Variants in ZPBP observed in about 807,000 individuals in gnomAD.
ZPBP encodes the protein zona pellucida binding protein.
A neutral mutation model predicts 44.8 loss-of-function variants in ZPBP; 26 were observed. The observed-to-expected ratio is 0.58, with a 90% CI of 0.43 to 0.81. The LOEUF is 0.81. Ranked by LOEUF, ZPBP falls within the 30% of genes least tolerant of loss-of-function variation. The probability of loss-of-function intolerance (pLI) is 0.00; values close to 1 mark genes in which losing one functional copy is unlikely to be tolerated. For missense variants in ZPBP, 409 were observed against 434.0 expected (o/e 0.94, Z 0.51); for synonymous variants, 174 against 153.2 (o/e 1.14, Z -1.00).
At chr7:49,995,010 C>CA (rs2128790726) in intron 6 of ZPBP, among the ~76,000 whole-genome samples, 1 of 152,312 alleles carries the variant, frequency 6.6e-6, no homozygotes, top group South Asian at 2.1e-4. Flanking sequence ...ACATACCCTT[C>CA]ACCCTATAAG....
At chr7:49,932,521 G>A (rs185817655), downstream of ZPBP, among the ~76,000 whole-genome samples, 11 of 152,314 alleles carry the variant, frequency 7.2e-5, no homozygotes, top group East Asian at 3.9e-4. Context: ...AGGAATGGGC[G>A]TATTTACCCA....
intron 4 of ZPBP, among the ~76,000 whole-genome samples, chr7:50,047,615 G>A (rs1442271376): frequency 6.6e-6 from 1 of 151,282 alleles, no homozygotes; most frequent in East Asian, 1.9e-4. Flanking sequence ...ATAAAACTAG[G>A]GACTGAGTAT....
At chr7:49,978,056 C>T (rs1796607208) in intron 7 of ZPBP, among the ~76,000 whole-genome samples, 1 of 146,602 alleles carries the variant, frequency 6.8e-6, no homozygotes, top group Non-Finnish European at 1.5e-5. Flanking sequence ...ACTTGATCTA[C>T]AAGTTTGTTT....
rs957972882 is a variant in ZPBP, at chr7:49,924,005, C to T, written n.411+11746G>A. 2.0e-5 allele frequency among the ~76,000 whole-genome samples: 3 copies of T among 152,134 alleles called. No individual in the cohort carries two copies. The South Asian group carries it at 6.2e-4, about 31-fold the overall frequency. On this transcript the variant is annotated intron_variant and non_coding_transcript_variant, in intron 1 of 2. Transcript: ENST00000465922. ...GGGCATGATGGCAGGTGCCTGTAAT[C>T]CCAGCTACTTGGGAGGCTGGGGCAG... is the stretch of plus-strand genomic sequence containing the variant.
chr7:49,888,054 A>G (rs1427672136), intron 2 of ZPBP, among the ~76,000 whole-genome samples: 1 of 152,226 alleles, frequency 6.6e-6, no homozygotes, highest in Non-Finnish European at 1.5e-5. Flanking sequence ...GGCTTTGATA[A>G]TTGATCATGT....
chr7:50,017,740 T>C (rs989719358), intron 6 of ZPBP, among the ~76,000 whole-genome samples: 1 of 152,134 alleles, frequency 6.6e-6, no homozygotes, highest in Admixed American at 6.6e-5. Flanking sequence ...TAGGAAGATA[T>C]TGTCATAAAT....
chr7:50,065,968 A>G (rs950104011), intron 3 of ZPBP, among the ~76,000 whole-genome samples: 1 of 151,104 alleles, frequency 6.6e-6, no homozygotes, highest in Non-Finnish European at 1.5e-5. Context: ...CTTGTCTTAC[A>G]ATTTCATTTG....
intron 2 of ZPBP, among the ~76,000 whole-genome samples, chr7:49,894,427 C>G (rs1190415812): frequency 1.3e-5 from 2 of 152,252 alleles, no homozygotes; most frequent in African/African-American, 2.4e-5. Flanking sequence ...GCCACTGCAC[C>G]TGATCCTTGT....
chr7:50,031,783 AC>A (rs1385380481), intron 4 of ZPBP, among the ~76,000 whole-genome samples: 2 of 152,156 alleles, frequency 1.3e-5, no homozygotes. Context: ...TCTAATAAAT[AC>A]ACAATTAGTT....
chr7:50,007,686 A>C (rs1423750378), intron 6 of ZPBP, among the ~76,000 whole-genome samples: 1 of 152,090 alleles, frequency 6.6e-6, no homozygotes, highest in Non-Finnish European at 1.5e-5. Context: ...ACCATGACCA[A>C]GAATGATTAT....
intron 2 of ZPBP, among the ~76,000 whole-genome samples, chr7:50,089,354 AT>A (rs1439693289): frequency 1.4e-4 from 21 of 152,066 alleles, no homozygotes; most frequent in African/African-American, 5.1e-4. Flanking sequence ...TACATTTAAT[AT>A]TATAGCTAAT....
chr7:49,897,495 A>T (rs990116748), intron 2 of ZPBP, among the ~76,000 whole-genome samples: 1 of 152,214 alleles, frequency 6.6e-6, no homozygotes, highest in African/African-American at 2.4e-5. Flanking sequence ...GTACTCAAAC[A>T]CTGATCAATA....
chr7:50,047,439 T>G (rs1303276231), intron 4 of ZPBP, among the ~76,000 whole-genome samples: 3 of 152,016 alleles, frequency 2.0e-5, no homozygotes, highest in Admixed American at 6.6e-5. Flanking sequence ...AGATGGATAT[T>G]TTTACAGACC....
intron 5 of ZPBP, among the ~76,000 whole-genome samples, chr7:50,029,189 G>A (rs191766883): frequency 8.9e-4 from 136 of 152,180 alleles, no homozygotes; most frequent in Admixed American, 3.7e-3. Context: ...ATATATTTAC[G>A]GTTAACTGAC....
intron 2 of ZPBP, among the ~76,000 whole-genome samples, chr7:49,860,879 C>T (rs943220606): frequency 1.3e-5 from 2 of 152,168 alleles, no homozygotes; most frequent in Admixed American, 1.3e-4. Flanking sequence ...TGGCCATCTG[C>T]GAGCCAAGGG....
downstream of ZPBP, among the ~76,000 whole-genome samples, chr7:49,850,086 G>C (rs1022677495): frequency 6.6e-6 from 1 of 152,174 alleles, no homozygotes; most frequent in Admixed American, 6.5e-5. Flanking sequence ...ACAACATGTT[G>C]CTGTAGAAAA....
At chr7:50,021,781 T>G (rs1326277929) in intron 5 of ZPBP, among the ~76,000 whole-genome samples, 1 of 152,120 alleles carries the variant, frequency 6.6e-6, no homozygotes, top group Non-Finnish European at 1.5e-5. Flanking sequence ...TGGGTGGTGG[T>G]GTGCCCAAAG....
At chr7:50,022,701 T>A (rs1005167672) in intron 5 of ZPBP, among the ~76,000 whole-genome samples, 9 of 151,978 alleles carry the variant, frequency 5.9e-5, no homozygotes, top group Non-Finnish European at 1.3e-4. Context: ...ATCCGCAACT[T>A]TTCTTAGACC....
chr7:50,033,676 C>A (rs925338330), intron 4 of ZPBP, among the ~76,000 whole-genome samples: 1 of 55,660 alleles, frequency 1.8e-5, no homozygotes, highest in African/African-American at 7.4e-5. Flanking sequence ...ATTCTTTCTA[C>A]AGTTTATTTA....
Sources: gnomAD v4.1 joint callset for allele counts (sites outside exome capture counted in the v4.1 genomes callset) on GRCh38, gnomAD v4.1.1 for gene constraint, MANE v1.5 for transcripts, NCBI Gene and HGNC (gene_info 2026-07-23, HGNC 2026-07-21) for gene names.